The following MAN1A2 variants were observed in gnomAD, a reference collection of about 807,000 sequenced individuals.
MAN1A2 encodes the protein mannosidase alpha class 1A member 2.
In MAN1A2, 26 loss-of-function variants were observed where a neutral mutation model predicts 75.7. That is an observed-to-expected ratio of 0.34 (90% confidence interval 0.25 to 0.48). MAN1A2 has a LOEUF of 0.48. Among genes scored for constraint, MAN1A2 ranks in the 20% least tolerant of loss-of-function variants. The pLI is 0.99. For missense variants in MAN1A2, 562 were observed against 775.5 expected (o/e 0.72, Z 3.27); for synonymous variants, 247 against 264.6 (o/e 0.93, Z 0.65).
At position 117,513,628 on chromosome 1, in the gene MAN1A2, A is replaced by G. The variant is rs529395811; in HGVS notation, c.1794-9197A>G. Among the ~76,000 whole-genome samples, 5 of 151,874 alleles carry G rather than the reference A, an allele frequency of 3.3e-5. No homozygotes were observed. In the East Asian group the frequency reaches 9.7e-4, roughly 29 times the overall value. On this transcript the variant is annotated intron_variant, in intron 12 of 12. Coordinates refer to ENST00000356554, the MANE Select transcript of MAN1A2 (RefSeq NM_006699.5). ...TAAAAGTAATTTCATCTAATTTACT[A>G]TTATTAAATAAATATTATAAAATAA...
intron 5 of MAN1A2, among the ~76,000 whole-genome samples, chr1:117,431,813 G>A (rs2101799232): frequency 6.6e-6 from 1 of 152,214 alleles, no homozygotes; most frequent in East Asian, 1.9e-4. Flanking sequence ...AGCCGAGTGT[G>A]GTAGCATGTA....
intron 6 of MAN1A2, among the ~76,000 whole-genome samples, chr1:117,446,171 T>C (rs1649230234): frequency 6.6e-6 from 1 of 151,636 alleles, no homozygotes; most frequent in African/African-American, 2.4e-5. Context: ...TTGTATTCTT[T>C]CTTTTCTCTT....
chr1:117,437,824 T>G (rs1179639082), intron 5 of MAN1A2, among the ~76,000 whole-genome samples: 1 of 152,212 alleles, frequency 6.6e-6, no homozygotes, highest in Non-Finnish European at 1.5e-5. Context: ...CTTAAAGCCC[T>G]TGTATATTAA....
intron 9 of MAN1A2, among the ~76,000 whole-genome samples, chr1:117,496,504 T>G (rs150433551): frequency 8.9e-4 from 135 of 152,078 alleles, no homozygotes; most frequent in African/African-American, 3.2e-3. Flanking sequence ...AAGATAATAT[T>G]ATGTAGAAGG....
intron 6 of MAN1A2, among the ~76,000 whole-genome samples, chr1:117,446,942 C>A (rs778109187): frequency 6.6e-6 from 1 of 152,120 alleles, no homozygotes. Context: ...TGCATTTTGA[C>A]GAAGCTTTAC....
rs577767531 is a variant in MAN1A2, at chr1:117,493,042, A to G, written c.1169-105A>G. The G allele has an allele frequency of 1.1e-5, 7 of 637,746 alleles. No individual in the cohort carries two copies. The African/African-American group carries it at 1.3e-4, about 12-fold the overall frequency. 39.5% of individuals were successfully genotyped at this position (637,746 alleles called of 1,614,324 possible). A position where few individuals can be genotyped will look rare whatever the true frequency, so the allele number is the denominator to read the frequency against. The stretch of plus-strand genomic sequence containing the variant: ...AAATAGGGTTGTCAATGTAATTTTA[A>G]AATTATTGACCTCTAACATAGTCAT... On this transcript the variant is annotated intron_variant, in intron 8 of 12. Transcript: ENST00000356554.
intron 1 of MAN1A2, among the ~76,000 whole-genome samples, chr1:117,370,615 CTTAT>C (rs960896308): frequency 6.6e-6 from 1 of 152,090 alleles, no homozygotes; most frequent in African/African-American, 2.4e-5. Flanking sequence ...TAAACATTAA[CTTAT>C]TTAAAAATAA....
intron 6 of MAN1A2, among the ~76,000 whole-genome samples, chr1:117,454,241 T>C (rs1649511187): frequency 6.6e-6 from 1 of 152,188 alleles, no homozygotes; most frequent in Non-Finnish European, 1.5e-5. Context: ...TTTAAAGAAG[T>C]AATGTCTAGA....
At chr1:117,384,924 A>G (rs1653474343) in intron 1 of MAN1A2, among the ~76,000 whole-genome samples, 2 of 152,178 alleles carry the variant, frequency 1.3e-5, no homozygotes, top group Admixed American at 1.3e-4. Flanking sequence ...TGCAGAGTCT[A>G]AGCCCCAGCA....
intron 12 of MAN1A2, chr1:117,514,823 A>T (rs1262964989): frequency 1.9e-6 from 1 of 532,582 alleles, no homozygotes; most frequent in Non-Finnish European, 3.9e-6. Context: ...TTTATCTTTT[A>T]TCTTGTCTGC....
chr1:117,394,547 T>G (rs1653846497), intron 1 of MAN1A2, among the ~76,000 whole-genome samples: 2 of 152,226 alleles, frequency 1.3e-5, no homozygotes, highest in South Asian at 4.1e-4. Flanking sequence ...TTTATTAGGT[T>G]GAAGAAGTTC....
chr1:117,435,643 G>A (rs1570743127), intron 5 of MAN1A2, among the ~76,000 whole-genome samples: 1 of 152,256 alleles, frequency 6.6e-6, no homozygotes, highest in African/African-American at 2.4e-5. Context: ...TAGAAAAAAA[G>A]GATGGAAATA....
At chr1:117,417,175 A>G (rs1648021193) in intron 4 of MAN1A2, among the ~76,000 whole-genome samples, 1 of 152,138 alleles carries the variant, frequency 6.6e-6, no homozygotes, top group Non-Finnish European at 1.5e-5. Context: ...TTTGAACCTG[A>G]GAGAAGTAGT....
intron 1 of MAN1A2, among the ~76,000 whole-genome samples, chr1:117,381,741 G>C (rs901307725): frequency 2.0e-5 from 3 of 151,936 alleles, no homozygotes; most frequent in Admixed American, 1.3e-4. Context: ...TCTAGTTCTA[G>C]ATCCCTGAGG....
intron 8 of MAN1A2, among the ~76,000 whole-genome samples, chr1:117,480,048 G>A (rs1650445857): frequency 6.6e-6 from 1 of 151,892 alleles, no homozygotes; most frequent in Non-Finnish European, 1.5e-5. Flanking sequence ...ACTGTTCCCA[G>A]TAGGCTCTTT....
chr1:117,466,245 G>GGTCGCCGTATC, intron 7 of MAN1A2, 89 bp from the exon 8 acceptor site: 1 of 825,100 alleles, frequency 1.2e-6, no homozygotes, highest in Non-Finnish European at 1.9e-6. Flanking sequence ...TGTAGATTCT[G>GGTCGCCGTATC]AGTAAGAAAA....
intron 8 of MAN1A2, among the ~76,000 whole-genome samples, chr1:117,479,676 T>G (rs748816131): frequency 1.4e-4 from 22 of 152,000 alleles, no homozygotes; most frequent in Admixed American, 3.9e-4. Context: ...GGTTTTGATT[T>G]GCATTTCTCT....
chr1:117,509,910 A>G (rs1651478483), intron 12 of MAN1A2, among the ~76,000 whole-genome samples: 2 of 151,642 alleles, frequency 1.3e-5, no homozygotes. Context: ...CCTTCTGGAA[A>G]TTTTCTGGGT....
At chr1:117,381,821 A>G (rs1444243980) in intron 1 of MAN1A2, among the ~76,000 whole-genome samples, 2 of 152,136 alleles carry the variant, frequency 1.3e-5, no homozygotes, top group South Asian at 2.1e-4. Flanking sequence ...AAGTATTCCT[A>G]TTTCTCCACA....
Sources: allele counts gnomAD v4.1 joint callset (sites outside exome capture counted in the v4.1 genomes callset), GRCh38; gene constraint gnomAD v4.1.1; transcripts MANE v1.5; gene names NCBI Gene and HGNC (gene_info 2026-07-23, HGNC 2026-07-21).